Variants in DLGAP2 observed in about 807,000 individuals in gnomAD.
DLGAP2 encodes disks large-associated protein 2.
A neutral mutation model predicts 100.3 loss-of-function variants in DLGAP2; 26 were observed. The ratio of observed to expected loss-of-function variants is 0.26; its 90% CI spans 0.19 to 0.36. The LOEUF (loss-of-function observed/expected upper bound fraction) is 0.36, where lower values mean the gene tolerates loss of function less well. Ranked by LOEUF, DLGAP2 falls within the 10% of genes least tolerant of loss-of-function variation. The pLI, the probability that DLGAP2 is intolerant of heterozygous loss-of-function variation, is 1.00. For synonymous variants in DLGAP2, 886 were observed against 630.1 expected (o/e 1.41, Z -6.08); for missense variants, 1,858 against 1,453.2 (o/e 1.28, Z -4.53).
intron 5 of DLGAP2, among the ~76,000 whole-genome samples, chr8:1,554,685 G>T (rs1187538541): frequency 6.6e-6 from 1 of 152,128 alleles, no homozygotes; most frequent in Non-Finnish European, 1.5e-5. Flanking sequence ...TCCAGAGGAT[G>T]CTGGCTTGAG....
intron 6 of DLGAP2, among the ~76,000 whole-genome samples, chr8:1,595,670 T>C (rs1211219359): frequency 1.4e-5 from 1 of 70,888 alleles, no homozygotes; most frequent in Admixed American, 1.5e-4. Flanking sequence ...CGAGACTCCG[T>C]CTCAAAAAAA....
rs529714918 is a variant in DLGAP2, at chr8:1,707,329, G to A, written c.*5923G>A. 6.6e-6 allele frequency: 1 copy of A among 152,234 alleles called. No homozygotes were observed. Among genetic ancestry groups the A allele is most frequent in the East Asian group, 1.9e-4 (1 of 5,168 alleles). 9.4% of individuals were successfully genotyped at this position (152,234 alleles called of 1,614,324 possible). On this transcript the variant is annotated 3_prime_UTR_variant, in exon 15 of 15. Coordinates refer to ENST00000637795, the MANE Select transcript of DLGAP2 (RefSeq NM_001346810.2). ...CATGGTCTCCCTAGAGAGTGTGTTGGCTTGTGTCTGCCAGTACGACAAAGG... is the reference window on the plus strand; with the variant it reads ...CATGGTCTCCCTAGAGAGTGTGTTGACTTGTGTCTGCCAGTACGACAAAGG...
intron 2 of DLGAP2, among the ~76,000 whole-genome samples, chr8:1,021,074 G>C (rs1266620633): frequency 6.6e-6 from 1 of 152,174 alleles, no homozygotes; most frequent in African/African-American, 2.4e-5. Context: ...CATGGTACTG[G>C]ATTAGCCCAC....
At chr8:1,604,717 A>G (rs1294413642) in intron 6 of DLGAP2, 2 of 152,216 alleles carry the variant, frequency 1.3e-5, no homozygotes, top group Non-Finnish European at 1.5e-5. Context: ...CCATCCAATG[A>G]ATGTCTTCTT....
intron 3 of DLGAP2, among the ~76,000 whole-genome samples, chr8:1,419,670 C>G (rs1265196423): frequency 1.3e-5 from 2 of 152,192 alleles, no homozygotes; most frequent in East Asian, 1.9e-4. Context: ...GAGATACTGT[C>G]TCACTCCAGT....
chr8:1,216,681 C>A (rs1166624929), intron 2 of DLGAP2, among the ~76,000 whole-genome samples: 1 of 151,930 alleles, frequency 6.6e-6, no homozygotes, highest in Non-Finnish European at 1.5e-5. Context: ...TAGTTTTTGC[C>A]TTAAACTGCA....
intron 4 of DLGAP2, among the ~76,000 whole-genome samples, chr8:1,502,157 C>G (rs1799744071): frequency 6.6e-6 from 1 of 152,192 alleles, no homozygotes; most frequent in African/African-American, 2.4e-5. Flanking sequence ...TATTCTCTAA[C>G]CTAAAAGAGG....
At chr8:787,098 A>G (rs1269319517) in intron 1 of DLGAP2, among the ~76,000 whole-genome samples, 1 of 152,144 alleles carries the variant, frequency 6.6e-6, no homozygotes, top group Non-Finnish European at 1.5e-5. Flanking sequence ...AGGTAAACTG[A>G]CGATGCTTTA....
chr8:1,500,948 G>A (rs1250191278), intron 3 of DLGAP2, among the ~76,000 whole-genome samples: 1 of 152,202 alleles, frequency 6.6e-6, no homozygotes, highest in Non-Finnish European at 1.5e-5. Flanking sequence ...AGACCGGAAG[G>A]AAAGTCTTTC....
intron 1 of DLGAP2, among the ~76,000 whole-genome samples, chr8:783,090 C>CA (rs1821743110): frequency 6.6e-6 from 1 of 152,202 alleles, no homozygotes; most frequent in Non-Finnish European, 1.5e-5. Context: ...TCTAGGACAT[C>CA]ATCTCACAAT....
chr8:1,062,521 G>A (rs1282354386), intron 2 of DLGAP2, among the ~76,000 whole-genome samples: 1 of 152,210 alleles, frequency 6.6e-6, no homozygotes, highest in Non-Finnish European at 1.5e-5. Flanking sequence ...CTGACTTTCT[G>A]TACCTGGAAC....
chr8:869,986 G>A (rs1317090258), intron 1 of DLGAP2, among the ~76,000 whole-genome samples: 6 of 148,064 alleles, frequency 4.1e-5, no homozygotes, highest in Non-Finnish European at 8.9e-5. Context: ...AACTGGCTGA[G>A]AAAGATACCG....
intron 5 of DLGAP2, among the ~76,000 whole-genome samples, chr8:1,564,144 C>T (rs931892819): frequency 2.6e-5 from 4 of 152,078 alleles, no homozygotes; most frequent in Admixed American, 2.6e-4. Context: ...GTTCTTTTGC[C>T]TTTGTAAACG....
At chr8:1,418,700 G>C (rs1563134960) in intron 3 of DLGAP2, among the ~76,000 whole-genome samples, 1 of 152,140 alleles carries the variant, frequency 6.6e-6, no homozygotes, top group Non-Finnish European at 1.5e-5. Context: ...CCAAATGTGT[G>C]TATATTTTCC....
chr8:1,298,859 C>T (rs1021865582), intron 3 of DLGAP2, among the ~76,000 whole-genome samples: 1 of 152,146 alleles, frequency 6.6e-6, no homozygotes, highest in African/African-American at 2.4e-5. Flanking sequence ...AATGTCCCAG[C>T]GAACTCCCAT....
intron 2 of DLGAP2, among the ~76,000 whole-genome samples, chr8:952,909 T>C (rs953842279): frequency 1.3e-5 from 2 of 152,210 alleles, no homozygotes; most frequent in African/African-American, 4.8e-5. Context: ...GCCATATTGA[T>C]AAACACTTTG....
intron 1 of DLGAP2, among the ~76,000 whole-genome samples, chr8:759,584 G>A (rs1585833042): frequency 6.6e-6 from 1 of 151,884 alleles, no homozygotes; most frequent in East Asian, 1.9e-4. Flanking sequence ...CACGGTTGAT[G>A]TGGGGCTCCC....
At chr8:926,862 G>A (rs2129002513) in intron 2 of DLGAP2, among the ~76,000 whole-genome samples, 1 of 152,368 alleles carries the variant, frequency 6.6e-6, no homozygotes, top group Non-Finnish European at 1.5e-5. Context: ...AATCCTGGTG[G>A]GGCTCACAGC....
At chr8:1,241,596 C>T (rs934170868) in intron 2 of DLGAP2, among the ~76,000 whole-genome samples, 10 of 152,222 alleles carry the variant, frequency 6.6e-5, no homozygotes, top group Non-Finnish European at 1.5e-4. Context: ...CAGTCAGCTT[C>T]TAGAGACTTT....
Sources: gnomAD v4.1 joint callset for allele counts (sites outside exome capture counted in the v4.1 genomes callset) on GRCh38, gnomAD v4.1.1 for gene constraint, MANE v1.5 for transcripts, NCBI Gene and HGNC (gene_info 2026-07-23, HGNC 2026-07-21) for gene names.